The following DNAH9 variants were observed in gnomAD, a reference collection of about 807,000 sequenced individuals.
DNAH9 encodes DNAH9 variant protein.
Under a neutral mutation model 471.6 loss-of-function variants are expected in DNAH9, and 345 were observed. The observed-to-expected ratio is 0.73, with a 90% confidence interval of 0.67 to 0.80. The LOEUF (loss-of-function observed/expected upper bound fraction) is 0.80, where lower values mean the gene tolerates loss of function less well. DNAH9 is among the 30% of genes least tolerant of loss of function. The pLI, the probability that DNAH9 is intolerant of heterozygous loss-of-function variation, is 0.00. For synonymous variants in DNAH9, 2,093 were observed against 2,123.6 expected (o/e 0.99, Z 0.40); for missense variants, 5,407 against 5,609.2 (o/e 0.96, Z 1.15).
At chr17:11,887,813 C>A (rs868287178) in intron 57 of DNAH9, among the ~76,000 whole-genome samples, 1 of 151,898 alleles carries the variant, frequency 6.6e-6, no homozygotes, top group African/African-American at 2.4e-5. Context: ...GCTAAACCAC[C>A]ATGTGAAGAC....
intron 50 of DNAH9, among the ~76,000 whole-genome samples, chr17:11,855,457 G>A (rs1971593508): frequency 3.3e-5 from 5 of 152,158 alleles, no homozygotes; most frequent in Admixed American, 3.3e-4. Flanking sequence ...GTGTGAGAAA[G>A]GTGAAAGAGA....
At chr17:11,822,620 C>T in intron 47 of DNAH9, 21 bp downstream of exon 47, 1 of 1,612,996 alleles carries the variant, frequency 6.2e-7, no homozygotes, top group Non-Finnish European at 8.5e-7. Context: ...AAAGGAGACA[C>T]TCCTAAAAGT....
chr17:11,661,061 G>A (rs1353714136), intron 14 of DNAH9, among the ~76,000 whole-genome samples: 4 of 148,152 alleles, frequency 2.7e-5, no homozygotes, highest in Admixed American at 6.6e-5. Context: ...GTTAAGTTCT[G>A]TTATAATAAC....
chr17:11,916,122 G>A (rs1973948586), intron 61 of DNAH9, among the ~76,000 whole-genome samples: 1 of 152,082 alleles, frequency 6.6e-6, no homozygotes, highest in Non-Finnish European at 1.5e-5. Context: ...GATAAATTTA[G>A]TTTCCTCATT....
At chr17:11,719,550 A>G in intron 27 of DNAH9, 60 bp downstream of exon 27, 1 of 1,521,030 alleles carries the variant, frequency 6.6e-7, no homozygotes, top group Non-Finnish European at 8.9e-7. Context: ...AGGGCACCAA[A>G]TCAAGGCTAA....
chr17:11,885,904 T>C (rs1380763540), intron 56 of DNAH9, among the ~76,000 whole-genome samples: 1 of 152,246 alleles, frequency 6.6e-6, no homozygotes, highest in Non-Finnish European at 1.5e-5. Context: ...CCACAAATTA[T>C]CAGTAACTTT....
Position 11,823,140 on chromosome 17 carries a change from C to T in DNAH9, c.9246+106C>T, listed in dbSNP as rs1033379876. 57 of 966,498 alleles carry T rather than the reference C, an allele frequency of 5.9e-5. No individual in the cohort carries two copies. In the Admixed American group the frequency reaches 7.0e-4, roughly 12 times the overall value. 59.9% of individuals were successfully genotyped at this position (966,498 alleles called of 1,614,324 possible). A position where few individuals can be genotyped will look rare whatever the true frequency, so the allele number is the denominator to read the frequency against. ...ACAATCAAGATCTGAAAAATATGTA[C>T]GGTTTTCCAGAGACTCCCATGTCAT... is the stretch of plus-strand genomic sequence containing the variant. On this transcript the variant is annotated intron_variant, in intron 48 of 68. Coordinates refer to ENST00000262442, the MANE Select transcript of DNAH9 (RefSeq NM_001372.4).
intron 32 of DNAH9, among the ~76,000 whole-genome samples, chr17:11,749,082 T>G (rs1350141923): frequency 1.2e-3 from 62 of 52,416 alleles, no homozygotes; most frequent in African/African-American, 3.7e-3. Context: ...TTGTTTTTTT[T>G]TTTGTTTTTT....
At chr17:11,836,214 C>T (rs946792946) in intron 49 of DNAH9, among the ~76,000 whole-genome samples, 1 of 152,228 alleles carries the variant, frequency 6.6e-6, no homozygotes, top group Admixed American at 6.5e-5. Flanking sequence ...GTTGAAAAGT[C>T]AAAAAAGCTA....
At chr17:11,669,822 A>G (rs2073946166) in intron 17 of DNAH9, 28 bp downstream of exon 17, 4 of 1,591,928 alleles carry the variant, frequency 2.5e-6, no homozygotes, top group Non-Finnish European at 3.4e-6. Context: ...ACTTTCTTCC[A>G]GCATGCTAGG....
intron 8 of DNAH9, among the ~76,000 whole-genome samples, chr17:11,635,953 A>G (rs139639210): frequency 1.3e-3 from 203 of 151,106 alleles, no homozygotes; most frequent in African/African-American, 4.5e-3. Context: ...CTTTTCCATC[A>G]TTACCTTCTT....
intron 61 of DNAH9, among the ~76,000 whole-genome samples, chr17:11,922,559 G>T (rs1189434234): frequency 6.6e-6 from 1 of 152,164 alleles, no homozygotes; most frequent in African/African-American, 2.4e-5. Context: ...TGCTTCAGTG[G>T]TATGGCTGCC....
chr17:11,790,944 T>C (rs1969043859), intron 41 of DNAH9, among the ~76,000 whole-genome samples: 1 of 152,142 alleles, frequency 6.6e-6, no homozygotes, highest in African/African-American at 2.4e-5. Flanking sequence ...TTTTGTGCTA[T>C]CATTTATTTT....
intron 23 of DNAH9, among the ~76,000 whole-genome samples, chr17:11,700,331 T>C (rs1245583734): frequency 6.6e-6 from 1 of 152,134 alleles, no homozygotes; most frequent in East Asian, 1.9e-4. Context: ...TGCACAAATG[T>C]GTCTTAGTGT....
rs1343668337 is a variant in DNAH9, at chr17:11,694,253, A to G, written c.4746-68A>G. ...CCGTCTATTGCATATACATACATTT[A>G]AGTAATGTATGTGTATCCATGGGTC... On this transcript the variant is annotated intron_variant, in intron 21 of 68. Transcript: ENST00000262442. 8.1e-6 allele frequency: 12 copies of G among 1,484,258 alleles called. No homozygotes were observed. In the Admixed American group the frequency reaches 1.2e-4, roughly 15 times the overall value. 91.9% of individuals were successfully genotyped at this position (1,484,258 alleles called of 1,614,324 possible).
intron 19 of DNAH9, among the ~76,000 whole-genome samples, chr17:11,683,597 C>T (rs980120151): frequency 3.9e-5 from 6 of 152,164 alleles, no homozygotes; most frequent in Non-Finnish European, 7.4e-5. Flanking sequence ...TGTGTCTGTT[C>T]GAAATTCGGT....
intron 14 of DNAH9, among the ~76,000 whole-genome samples, chr17:11,659,677 A>G (rs11654582): frequency 0.34 from 51,224 of 152,092 alleles, 8,849 homozygotes; most frequent in Middle Eastern, 0.42. Context: ...TTGATGCACC[A>G]CTACCTTTCT....
chr17:11,639,450 A>T (rs2073225395), intron 9 of DNAH9, among the ~76,000 whole-genome samples: 1 of 152,254 alleles, frequency 6.6e-6, no homozygotes, highest in Non-Finnish European at 1.5e-5. Context: ...AACCAAATAT[A>T]AGCAGACAAA....
chr17:11,713,632 A>G (rs2150792668), intron 26 of DNAH9, among the ~76,000 whole-genome samples: 1 of 150,276 alleles, frequency 6.7e-6, no homozygotes, highest in African/African-American at 2.4e-5. Flanking sequence ...TATTTTATGG[A>G]CCATGCATTT....
Sources: allele counts gnomAD v4.1 joint callset (sites outside exome capture counted in the v4.1 genomes callset), GRCh38; gene constraint gnomAD v4.1.1; transcripts MANE v1.5; gene names NCBI Gene and HGNC (gene_info 2026-07-23, HGNC 2026-07-21).